NXPH1: variants seen among roughly 807,000 people sequenced by gnomAD.
NXPH1 encodes neurexophilin-1.
A neutral mutation model predicts 23.7 loss-of-function variants in NXPH1; 5 were observed. The observed-to-expected ratio is 0.21, with a 90% CI of 0.11 to 0.44. NXPH1 has a LOEUF of 0.44. Ranked by LOEUF, NXPH1 falls within the 20% of genes least tolerant of loss-of-function variation. The probability of loss-of-function intolerance (pLI) is 0.99; values close to 1 mark genes in which losing one functional copy is unlikely to be tolerated. For synonymous variants in NXPH1, 144 were observed against 122.2 expected (o/e 1.18, Z -1.18); for missense variants, 324 against 321.6 (o/e 1.01, Z -0.06).
At chr7:8,599,413 A>G (rs1308949471) in intron 2 of NXPH1, among the ~76,000 whole-genome samples, 1 of 152,026 alleles carries the variant, frequency 6.6e-6, no homozygotes, top group African/African-American at 2.4e-5. Context: ...TGGGCTCATC[A>G]TTTTTGAAAA....
At chr7:8,720,312 T>A (rs1465065267) in intron 2 of NXPH1, among the ~76,000 whole-genome samples, 1 of 152,194 alleles carries the variant, frequency 6.6e-6, no homozygotes. Flanking sequence ...GAATGCTGTT[T>A]CTTGTATGTG....
chr7:8,528,928 C>T (rs1817908208), intron 2 of NXPH1, among the ~76,000 whole-genome samples: 1 of 152,194 alleles, frequency 6.6e-6, no homozygotes, highest in African/African-American at 2.4e-5. Flanking sequence ...GCAGCACTTG[C>T]TTCTTTGGTT....
At chr7:8,489,760 T>G (rs571975300) in intron 2 of NXPH1, among the ~76,000 whole-genome samples, 2 of 152,220 alleles carry the variant, frequency 1.3e-5, no homozygotes, top group Admixed American at 1.3e-4. Context: ...TGCCTTAACA[T>G]ACCCTTAATT....
chr7:8,478,208 T>G (rs1036686913), intron 2 of NXPH1, among the ~76,000 whole-genome samples: 1 of 152,112 alleles, frequency 6.6e-6, no homozygotes, highest in African/African-American at 2.4e-5. Context: ...TGGTGTAGGT[T>G]TCTTAACATT....
intron 2 of NXPH1, among the ~76,000 whole-genome samples, chr7:8,693,076 A>C (rs1369177405): frequency 6.6e-6 from 1 of 152,176 alleles, no homozygotes; most frequent in Non-Finnish European, 1.5e-5. Context: ...GGAAAAATTT[A>C]GAGTGGAAAT....
rs74698957 is a variant in NXPH1 at position 8,489,858 on chromosome 7, C to T, written c.54+54091C>T. 5.5e-3 allele frequency among the ~76,000 whole-genome samples: 835 copies of T among 152,192 alleles called. 8 individuals are homozygous for T. The highest frequency in any genetic ancestry group is 0.019 in the African/African-American group (809 of 41,552). On this transcript the variant is annotated intron_variant, in intron 2 of 2. Coordinates refer to ENST00000405863, the MANE Select transcript of NXPH1 (RefSeq NM_152745.3). ...TTTAATGGATGTATCAGGAGAATTT[C>T]TCTGCATCTCAATAGCTTTGCTGGG...
chr7:8,597,718 G>GA (rs1306315982), intron 2 of NXPH1, among the ~76,000 whole-genome samples: 1 of 122,600 alleles, frequency 8.2e-6, no homozygotes, highest in African/African-American at 3.0e-5. Context: ...GGGGGGCGGG[G>GA]GGGCAGTGTG....
chr7:8,604,198 G>C (rs1000244994), intron 2 of NXPH1, among the ~76,000 whole-genome samples: 2 of 152,148 alleles, frequency 1.3e-5, no homozygotes, highest in African/African-American at 4.8e-5. Flanking sequence ...GATATAAGAA[G>C]TGATTGGGAT....
intron 2 of NXPH1, among the ~76,000 whole-genome samples, chr7:8,674,957 T>C (rs1562450969): frequency 1.3e-5 from 2 of 152,144 alleles, no homozygotes; most frequent in South Asian, 2.1e-4. Flanking sequence ...AGATGAAATA[T>C]ATAATTGTTC....
At chr7:8,743,770 G>A (rs1480545102) in intron 2 of NXPH1, among the ~76,000 whole-genome samples, 2 of 150,114 alleles carry the variant, frequency 1.3e-5, no homozygotes, top group Admixed American at 1.3e-4. Flanking sequence ...TGCAAGCTCC[G>A]CCTCCCGAGT....
intron 2 of NXPH1, among the ~76,000 whole-genome samples, chr7:8,517,744 T>C (rs1462396444): frequency 6.6e-6 from 1 of 152,136 alleles, no homozygotes; most frequent in Non-Finnish European, 1.5e-5. Context: ...ACAACATTGA[T>C]TTTTCTTATA....
chr7:8,460,930 G>A (rs1277053334), intron 2 of NXPH1, among the ~76,000 whole-genome samples: 2 of 152,220 alleles, frequency 1.3e-5, no homozygotes, highest in African/African-American at 4.8e-5. Flanking sequence ...CACTCACTCA[G>A]TAGGGCCTCA....
intron 2 of NXPH1, among the ~76,000 whole-genome samples, chr7:8,482,941 A>G (rs1817099589): frequency 6.6e-6 from 1 of 152,318 alleles, no homozygotes; most frequent in East Asian, 1.9e-4. Context: ...TTGTTATCCA[A>G]ATAAACGAAA....
intron 2 of NXPH1, among the ~76,000 whole-genome samples, chr7:8,503,457 C>T (rs886610367): frequency 1.3e-5 from 2 of 152,018 alleles, no homozygotes; most frequent in Non-Finnish European, 2.9e-5. Flanking sequence ...AGTCCCACTA[C>T]ACTTGAAGAT....
chr7:8,587,935 G>A (rs573388239), intron 2 of NXPH1, among the ~76,000 whole-genome samples: 4 of 152,124 alleles, frequency 2.6e-5, no homozygotes, highest in Admixed American at 1.3e-4. Context: ...AAATATTGCT[G>A]CAATTATGAT....
chr7:8,748,189 G>A (rs556505383), intron 2 of NXPH1, among the ~76,000 whole-genome samples: 5 of 152,204 alleles, frequency 3.3e-5, no homozygotes, highest in South Asian at 4.2e-4. Flanking sequence ...CTAAAGCAAC[G>A]ATTTTGCTGT....
In NXPH1 at chr7:8,435,741, TTCC is replaced by T. The variant is rs1328471333; in HGVS notation, c.33_35del (p.Leu12del). On this transcript the variant is annotated inframe_deletion, in exon 2 of 3. Transcript: ENST00000405863. The surrounding 1 kb of genome is among the most constrained non-coding windows in gnomAD (Gnocchi z 5.9). The stretch of plus-strand genomic sequence containing the variant: ...GCAGGCTGCGTGCTGGTACGTGCTT[TTCC>T]TCCTGCAGCCCACCGTCTACTTGGT... The T allele has an allele frequency of 6.2e-7, 1 of 1,613,802 alleles. No individual in the cohort carries two copies. Among genetic ancestry groups the T allele is most frequent in the Non-Finnish European group, 8.5e-7 (1 of 1,179,880 alleles).
intron 2 of NXPH1, among the ~76,000 whole-genome samples, chr7:8,739,603 C>G (rs555916870): frequency 6.6e-6 from 1 of 152,228 alleles, no homozygotes; most frequent in South Asian, 2.1e-4. Context: ...GTCATCTTGC[C>G]AGTCACCTAT....
chr7:8,514,547 A>T (rs146018502), intron 2 of NXPH1, among the ~76,000 whole-genome samples: 1 of 152,240 alleles, frequency 6.6e-6, no homozygotes, highest in Non-Finnish European at 1.5e-5. Context: ...CTACCTCAGG[A>T]TGGTAGATAA....
Sources: allele counts gnomAD v4.1 joint callset (sites outside exome capture counted in the v4.1 genomes callset), GRCh38; gene constraint gnomAD v4.1.1; non-coding constraint Gnocchi (gnomAD v3.1); transcripts MANE v1.5; gene names NCBI Gene and HGNC (gene_info 2026-07-23, HGNC 2026-07-21).